The following USP8 variants were observed in gnomAD, a reference collection of about 807,000 sequenced individuals.
USP8 encodes ubiquitin carboxyl-terminal hydrolase 8.
Under a neutral mutation model 130.0 loss-of-function variants are expected in USP8, and 27 were observed. The observed-to-expected ratio is 0.21, with a 90% confidence interval of 0.15 to 0.29. USP8 has a LOEUF of 0.29. Among genes scored for constraint, USP8 ranks in the 10% least tolerant of loss-of-function variants. USP8 has a pLI of 1.00. For synonymous variants in USP8, 392 were observed against 444.1 expected, an observed-to-expected ratio of 0.88 and a Z score of 1.48; for missense variants, 1,029 against 1,312.2, an observed-to-expected ratio of 0.78 and a Z score of 3.33.
At chr15:50,424,999 T>C (rs918849016) in intron 1 of USP8, among the ~76,000 whole-genome samples, 3 of 152,144 alleles carry the variant, frequency 2.0e-5, no homozygotes, top group African/African-American at 7.2e-5. Flanking sequence ...AGAAGATTTT[T>C]TTTTTTTCCC....
chr15:50,440,738 C>A (rs1327184742), intron 2 of USP8, among the ~76,000 whole-genome samples: 1 of 152,016 alleles, frequency 6.6e-6, no homozygotes, highest in Non-Finnish European at 1.5e-5. Context: ...CGCGGTGGCT[C>A]ATGCCTGTAA....
chr15:50,477,111 C>T (rs969947516), intron 9 of USP8, 118 bp downstream of exon 9: 2 of 1,410,392 alleles, frequency 1.4e-6, no homozygotes, highest in African/African-American at 1.5e-5. Context: ...AGTTTGTTTT[C>T]AGGCATAAAA....
rs755896571 is a variant in USP8 at position 50,477,429 on chromosome 15, C to T, written c.1148C>T (p.Pro383Leu). ...GPLNISTPVE[P>L]VAASKSDVSP... ...CTGAATATATCAACTCCAGTTGAAC[C>T]AGTTGCTGCTTCTAAATCTGATGTT... Residue 383 changes from proline (P) to leucine (L), a missense_variant, in exon 10 of 20, where the codon CCA becomes CTA. Coordinates refer to ENST00000307179, the MANE Select transcript of USP8 (RefSeq NM_005154.5). The T allele has an allele frequency of 3.7e-5, 60 of 1,614,098 alleles. No homozygotes were observed. The East Asian group carries it at 1.2e-3, about 34-fold the overall frequency.
At chr15:50,497,353 A>G in intron 18 of USP8, 122 bp downstream of exon 18, 1 of 1,241,544 alleles carries the variant, frequency 8.1e-7, no homozygotes, top group Admixed American at 2.9e-5. Flanking sequence ...TTATCTGGTT[A>G]CAGTAGATCT....
intron 8 of USP8, among the ~76,000 whole-genome samples, chr15:50,473,597 C>T (rs1269104260): frequency 6.6e-6 from 1 of 151,560 alleles, no homozygotes; most frequent in Non-Finnish European, 1.5e-5. Flanking sequence ...ACTCCTGGCT[C>T]AAGTGATCCT....
chr15:50,430,653 T>G (rs2049900792), intron 1 of USP8, among the ~76,000 whole-genome samples: 1 of 152,132 alleles, frequency 6.6e-6, no homozygotes, highest in African/African-American at 2.4e-5. Flanking sequence ...ATAATTTTGG[T>G]GTCAATACTT....
intron 1 of USP8, among the ~76,000 whole-genome samples, chr15:50,433,872 T>G (rs973996779): frequency 2.0e-5 from 3 of 152,248 alleles, no homozygotes; most frequent in African/African-American, 7.2e-5. Context: ...CCCAAAGTGT[T>G]GGGATTACAG....
intron 7 of USP8, among the ~76,000 whole-genome samples, chr15:50,466,527 G>A (rs571598024): frequency 8.6e-5 from 13 of 151,850 alleles, no homozygotes; most frequent in African/African-American, 2.2e-4. Flanking sequence ...CCCGGGAGGC[G>A]GAGGTTGCAG....
At position 50,462,334 on chromosome 15, in the gene USP8, C is replaced by T; in HGVS notation, c.541+12C>T. 6.3e-7 allele frequency: 1 copy of T among 1,593,198 alleles called. No individual in the cohort carries two copies. The highest frequency in any genetic ancestry group is 8.5e-7 in the Non-Finnish European group (1 of 1,173,630). On this transcript the variant is annotated intron_variant, in intron 6 of 19. Coordinates refer to ENST00000307179, the MANE Select transcript of USP8 (RefSeq NM_005154.5). ...GACCAAAGAGAAAGGTAAGTGTGTA[C>T]AGAAGGAGGAAGTTGTTTTAGGTTC...
chr15:50,491,811 G>A lies in USP8; in HGVS notation c.2235-890G>A, dbSNP rs115404312. On this transcript the variant is annotated intron_variant, in intron 14 of 19. Coordinates refer to ENST00000307179, the MANE Select transcript of USP8 (RefSeq NM_005154.5). ...CTTTCCATGGTGATAGAAATGTACT[G>A]TATCTGTGCTGTCCAGTATGGTTTG... is the stretch of plus-strand genomic sequence containing the variant. Among the ~76,000 whole-genome samples, 602 of 152,220 alleles carry A rather than the reference G, an allele frequency of 4.0e-3. 5 individuals carry two copies. Among genetic ancestry groups the A allele is most frequent in the African/African-American group, 0.014 (567 of 41,538 alleles).
At chr15:50,437,510 G>A (rs1490734490) in intron 1 of USP8, among the ~76,000 whole-genome samples, 5 of 152,216 alleles carry the variant, frequency 3.3e-5, no homozygotes, top group Non-Finnish European at 5.9e-5. Context: ...GGCGGGCAGG[G>A]TATGTTTTCT....
intron 14 of USP8, 109 bp from the exon 15 acceptor site, chr15:50,492,592 A>T: frequency 9.5e-7 from 1 of 1,056,524 alleles, no homozygotes; most frequent in Non-Finnish European, 1.4e-6. Context: ...TTAACTGTTT[A>T]CAAGATGCCT....
chr15:50,497,568 C>G (rs1381202325), intron 18 of USP8: 1 of 172,508 alleles, frequency 5.8e-6, no homozygotes, highest in Non-Finnish European at 1.2e-5. Context: ...TAAAGCATAA[C>G]AGACTTAGTT....
At chr15:50,493,241 C>G in intron 15 of USP8, 1 of 509,410 alleles carries the variant, frequency 2.0e-6, no homozygotes, top group Non-Finnish European at 3.8e-6. Flanking sequence ...TTAAAGGCCC[C>G]ATCTCTTAAT....
chr15:50,438,093 A>T (rs1458206357), intron 1 of USP8, among the ~76,000 whole-genome samples: 1 of 152,262 alleles, frequency 6.6e-6, no homozygotes, highest in Non-Finnish European at 1.5e-5. Flanking sequence ...CCAATAAATC[A>T]CAAAGTATTA....
intron 2 of USP8, 73 bp from the exon 3 acceptor site, chr15:50,441,276 G>A (rs1412592948): frequency 5.7e-5 from 79 of 1,382,394 alleles, no homozygotes; most frequent in Non-Finnish European, 7.1e-5. Context: ...GATTATCTGT[G>A]GACTTTGTAT....
Position 50,481,607 on chromosome 15 carries a change from G to C in USP8, c.1345G>C (p.Val449Leu). 6.2e-7 allele frequency: 1 copy of C among 1,614,078 alleles called. No homozygotes were observed. Among genetic ancestry groups the C allele is most frequent in the Non-Finnish European group, 8.5e-7 (1 of 1,179,998 alleles). ...TATTCCTGATCGTTCCACCAAGCCA[G>C]TAGTTTTTTCTCCAACTCTCATGTT... ...KVIPDRSTKP[V>L]VFSPTLMLTD... The change falls in exon 11 of 20, where the codon GTA (valine) becomes CTA (leucine). Residue 449 changes from valine (V) to leucine (L), a missense_variant. By Grantham distance (32) the Val-to-Leu change is conservative (BLOSUM62 1). Coordinates refer to ENST00000307179, the MANE Select transcript of USP8 (RefSeq NM_005154.5).
chr15:50,500,841 T>C lies in USP8; in HGVS notation c.*1753T>C. ...CATCCAAATCACCAAAATGGTTCTATGGGAGAAAGGAATGTCAAACTTAGT... is the reference window on the plus strand; with the variant it reads ...CATCCAAATCACCAAAATGGTTCTACGGGAGAAAGGAATGTCAAACTTAGT... On this transcript the variant is annotated 3_prime_UTR_variant, in exon 20 of 20. Transcript: ENST00000307179. 2 of 1,575,310 alleles carry C rather than the reference T, an allele frequency of 1.3e-6. No homozygotes were observed. Among genetic ancestry groups the C allele is most frequent in the Non-Finnish European group, 1.7e-6 (2 of 1,159,522 alleles).
Position 50,513,591 on chromosome 15 carries a change from A to T in USP8, c.*14503A>T, listed in dbSNP as rs1464870045. 1 of 152,034 alleles carries T rather than the reference A, an allele frequency of 6.6e-6. No homozygotes were observed. The highest frequency in any genetic ancestry group is 1.5e-5 in the Non-Finnish European group (1 of 68,010). 9.4% of individuals were successfully genotyped at this position (152,034 alleles called of 1,614,324 possible). On this transcript the variant is annotated 3_prime_UTR_variant, in exon 20 of 20. Transcript: ENST00000307179. ...ATTTAAAAATGTACACTCAAGATTT[A>T]AAAAGAACTACAATTCCATAAGAAA...
Sources: allele counts gnomAD v4.1 joint callset (sites outside exome capture counted in the v4.1 genomes callset), GRCh38; gene constraint gnomAD v4.1.1; transcripts MANE v1.5; gene names NCBI Gene and HGNC (gene_info 2026-07-23, HGNC 2026-07-21).